TMTC1: variants seen among roughly 807,000 people sequenced by gnomAD.
TMTC1 encodes transmembrane O-mannosyltransferase targeting cadherins 1.
Under a neutral mutation model 104.8 loss-of-function variants are expected in TMTC1, and 73 were observed. That is an observed-to-expected ratio of 0.70 (90% CI 0.58 to 0.85). TMTC1 has a LOEUF of 0.85. Ranked by LOEUF, TMTC1 falls within the 40% of genes least tolerant of loss-of-function variation. TMTC1 has a pLI of 0.00. For synonymous variants in TMTC1, 434 were observed against 428.7 expected, an observed-to-expected ratio of 1.01 and a Z score of -0.15; for missense variants, 1,035 against 1,096.1, an observed-to-expected ratio of 0.94 and a Z score of 0.79.
In TMTC1 at chr12:29,501,522, A is replaced by G. The variant is rs1592135757; in HGVS notation, c.*5324T>C. On this transcript the variant is annotated 3_prime_UTR_variant, in exon 18 of 18. Transcript: ENST00000539277. ...AGCTAGAACTAGAACTAGAACTCAG[A>G]TGTCTTGATTCTTGGGGTAGTGTAC... The G allele has an allele frequency of 6.6e-6, 1 of 152,156 alleles. No individual in the cohort carries two copies. Among genetic ancestry groups the G allele is most frequent in the East Asian group, 1.9e-4 (1 of 5,200 alleles). 9.4% of individuals were successfully genotyped at this position (152,156 alleles called of 1,614,324 possible). A position where few individuals can be genotyped will look rare whatever the true frequency, so the allele number is the denominator to read the frequency against.
At chr12:29,516,243 A>G (rs556254426) in intron 15 of TMTC1, 106 bp downstream of exon 15, 103 of 1,393,198 alleles carry the variant, frequency 7.4e-5, no homozygotes, top group Non-Finnish European at 9.6e-5. Context: ...GACGGATAAG[A>G]TTTAAGATTT....
At chr12:29,629,434 G>A (rs1285175423) in intron 6 of TMTC1, among the ~76,000 whole-genome samples, 1 of 152,122 alleles carries the variant, frequency 6.6e-6, no homozygotes, top group South Asian at 2.1e-4. Context: ...GATGTCTCAT[G>A]TCTCCCTAAA....
intron 7 of TMTC1, among the ~76,000 whole-genome samples, chr12:29,587,229 A>G (rs1218770293): frequency 6.6e-6 from 1 of 152,092 alleles, no homozygotes; most frequent in Non-Finnish European, 1.5e-5. Flanking sequence ...GCGTAGAGGT[A>G]TTTATAGTAT....
At chr12:29,757,768 G>A (rs1943248874) in intron 3 of TMTC1, among the ~76,000 whole-genome samples, 1 of 152,144 alleles carries the variant, frequency 6.6e-6, no homozygotes, top group African/African-American at 2.4e-5. Context: ...CATGGTGGAA[G>A]GCAAGGAGAA....
intron 5 of TMTC1, among the ~76,000 whole-genome samples, chr12:29,656,357 C>CTT (rs1187413675): frequency 3.8e-5 from 5 of 129,944 alleles, no homozygotes; most frequent in African/African-American, 5.6e-5. Flanking sequence ...TACACATATA[C>CTT]TTTTTTTTTT....
chr12:29,755,727 G>T lies in TMTC1; in HGVS notation c.713C>A (p.Ser238Tyr). 6.2e-7 allele frequency: 1 copy of T among 1,613,554 alleles called. No individual in the cohort carries two copies. Among genetic ancestry groups the T allele is most frequent in the Non-Finnish European group, 8.5e-7 (1 of 1,179,744 alleles). ...VCLVYDLFSL[S>Y]NKQDKSSNGA... Reference sequence around the variant, plus strand: ...GACTTACGACTTGTCTTGCTTGTTGGAAAGGGAAAAGAGGTCATAAACCAA... The same window carrying T: ...GACTTACGACTTGTCTTGCTTGTTGTAAAGGGAAAAGAGGTCATAAACCAA... Residue 238 changes from serine (S) to tyrosine (Y), a missense_variant, in exon 4 of 18, where the codon TCC (serine) becomes TAC (tyrosine). Ser to Tyr is a moderately radical substitution (Grantham distance 144, BLOSUM62 -2). Transcript: ENST00000539277.
At chr12:29,677,659 A>C (rs1030979171) in intron 5 of TMTC1, among the ~76,000 whole-genome samples, 8 of 152,210 alleles carry the variant, frequency 5.3e-5, no homozygotes, top group Non-Finnish European at 1.2e-4. Flanking sequence ...AGCATAATGA[A>C]ATCTCACATT....
chr12:29,650,775 G>A (rs1030956494), intron 5 of TMTC1, among the ~76,000 whole-genome samples: 1 of 152,194 alleles, frequency 6.6e-6, no homozygotes, highest in African/African-American at 2.4e-5. Flanking sequence ...AAATGGAATG[G>A]ATGGAGATCT....
intron 6 of TMTC1, among the ~76,000 whole-genome samples, chr12:29,617,367 G>A (rs562637415): frequency 5.9e-5 from 9 of 152,108 alleles, no homozygotes; most frequent in South Asian, 2.1e-4. Flanking sequence ...TTATTCATTC[G>A]TTCAACAGAT....
At chr12:29,728,608 A>G (rs1942464573) in intron 5 of TMTC1, among the ~76,000 whole-genome samples, 1 of 152,140 alleles carries the variant, frequency 6.6e-6, no homozygotes, top group Non-Finnish European at 1.5e-5. Context: ...AGCATTTGGT[A>G]GAAACGCTGA....
At chr12:29,667,268 T>A (rs1940322737) in intron 5 of TMTC1, among the ~76,000 whole-genome samples, 1 of 152,192 alleles carries the variant, frequency 6.6e-6, no homozygotes, top group Non-Finnish European at 1.5e-5. Context: ...CCTTTGATAT[T>A]CAAATAAAGA....
intron 11 of TMTC1, chr12:29,534,389 A>G (rs1427369270): frequency 2.6e-5 from 4 of 152,256 alleles, no homozygotes; most frequent in African/African-American, 4.8e-5. Context: ...ATCATTTTAC[A>G]TTCACATCTA....
intron 5 of TMTC1, among the ~76,000 whole-genome samples, chr12:29,739,387 T>C (rs1343366181): frequency 6.6e-6 from 1 of 152,178 alleles, no homozygotes; most frequent in Non-Finnish European, 1.5e-5. Flanking sequence ...TGCCTGGAGA[T>C]ACTATCATTG....
At chr12:29,655,789 C>T (rs1335434660) in intron 5 of TMTC1, among the ~76,000 whole-genome samples, 1 of 152,076 alleles carries the variant, frequency 6.6e-6, no homozygotes, top group Non-Finnish European at 1.5e-5. Flanking sequence ...CCAAGCTCCT[C>T]TTAAAAGTTA....
At chr12:29,762,218 C>G (rs16934866) in intron 2 of TMTC1, among the ~76,000 whole-genome samples, 15,541 of 152,160 alleles carry the variant, frequency 0.1, 840 homozygotes, top group African/African-American at 0.14. Context: ...GTAAACCATT[C>G]AAGGTCTGAA....
chr12:29,777,741 T>C (rs1943745105), intron 1 of TMTC1, among the ~76,000 whole-genome samples: 1 of 152,204 alleles, frequency 6.6e-6, no homozygotes, highest in African/African-American at 2.4e-5. Context: ...TTTTCTTGCC[T>C]CCAATCACAT....
At chr12:29,604,032 G>T in intron 7 of TMTC1, 146 bp downstream of exon 7, 1 of 1,077,716 alleles carries the variant, frequency 9.3e-7, no homozygotes. Flanking sequence ...CCAACCTTCT[G>T]TGTGGCTGTT....
chr12:29,513,841 G>C (rs975369489), intron 16 of TMTC1, among the ~76,000 whole-genome samples: 3 of 152,186 alleles, frequency 2.0e-5, no homozygotes, highest in Non-Finnish European at 4.4e-5. Flanking sequence ...AATCTAACTG[G>C]GGAGATAAAC....
chr12:29,541,895 G>A (rs190457177), intron 10 of TMTC1, among the ~76,000 whole-genome samples: 31 of 152,112 alleles, frequency 2.0e-4, no homozygotes, highest in African/African-American at 6.0e-4. Flanking sequence ...TTGACCTCGT[G>A]ATCCGCCTGC....
Sources: allele counts gnomAD v4.1 joint callset (sites outside exome capture counted in the v4.1 genomes callset), GRCh38; gene constraint gnomAD v4.1.1; transcripts MANE v1.5; gene names NCBI Gene and HGNC (gene_info 2026-07-23, HGNC 2026-07-21).